Variants in NR3C2 observed in about 807,000 individuals in gnomAD.
NR3C2 encodes mineralocorticoid receptor.
NR3C2 carries 15 observed loss-of-function variants against 86.4 expected under a neutral mutation model. The ratio of observed to expected loss-of-function variants is 0.17; its 90% CI spans 0.12 to 0.27. The LOEUF (loss-of-function observed/expected upper bound fraction) is 0.27. Ranked by LOEUF, NR3C2 falls within the 10% of genes least tolerant of loss-of-function variation. The pLI is 1.00. For missense variants in NR3C2, 960 were observed against 1,195.6 expected, an observed-to-expected ratio of 0.80 and a Z score of 2.91; for synonymous variants, 458 against 450.5, an observed-to-expected ratio of 1.02 and a Z score of -0.21.
intron 2 of NR3C2, among the ~76,000 whole-genome samples, chr4:148,344,298 T>C (rs1744888315): frequency 6.6e-6 from 1 of 152,130 alleles, no homozygotes; most frequent in African/African-American, 2.4e-5. Context: ...TAGAAGTATA[T>C]CTAACATAGT....
chr4:148,113,020 C>T (rs893554327), intron 8 of NR3C2, among the ~76,000 whole-genome samples: 28 of 152,260 alleles, frequency 1.8e-4, no homozygotes, highest in African/African-American at 6.0e-4. Context: ...AGCATGACTG[C>T]GTACAACATC....
At chr4:148,262,184 G>T (rs1740157036) in intron 2 of NR3C2, among the ~76,000 whole-genome samples, 2 of 152,126 alleles carry the variant, frequency 1.3e-5, no homozygotes, top group African/African-American at 4.8e-5. Flanking sequence ...AAATGTAATT[G>T]CTTTTTCACA....
intron 2 of NR3C2, among the ~76,000 whole-genome samples, chr4:148,407,062 T>C (rs1011560398): frequency 2.0e-5 from 3 of 152,242 alleles, no homozygotes; most frequent in African/African-American, 7.2e-5. Flanking sequence ...TCTGTGGGTA[T>C]TATTCATTTA....
intron 2 of NR3C2, among the ~76,000 whole-genome samples, chr4:148,423,565 G>GA (rs61758357): frequency 6.6e-6 from 1 of 152,258 alleles, no homozygotes; most frequent in African/African-American, 2.4e-5. Context: ...TTGGCGGGGG[G>GA]AAAAAAGCTG....
intron 2 of NR3C2, among the ~76,000 whole-genome samples, chr4:148,375,523 A>C (rs971550911): frequency 9.9e-5 from 15 of 152,098 alleles, no homozygotes; most frequent in Admixed American, 2.6e-4. Context: ...TATATCAAAA[A>C]TTTAAAATAT....
At chr4:148,405,869 C>T (rs1187717254) in intron 2 of NR3C2, among the ~76,000 whole-genome samples, 3 of 152,152 alleles carry the variant, frequency 2.0e-5, no homozygotes, top group South Asian at 2.1e-4. Context: ...GTCAACCAGG[C>T]GTAGTGGCTC....
chr4:148,235,898 C>T (rs2149842099), intron 3 of NR3C2, among the ~76,000 whole-genome samples: 1 of 152,288 alleles, frequency 6.6e-6, no homozygotes, highest in Admixed American at 6.5e-5. Flanking sequence ...ACTAAAGCTA[C>T]CTTTCTTCCT....
chr4:148,081,516 G>C lies in NR3C2; in HGVS notation c.2800-17C>G, dbSNP rs61763143. The C allele has an allele frequency of 0.016, 25,384 of 1,613,876 alleles. 250 individuals carry two copies. The highest frequency in any genetic ancestry group is 0.019 in the Non-Finnish European group (22,454 of 1,179,802). ...GCTCACCAGCTGTAACACAGACACA[G>C]GGGGCATGACACGGGGGCCTCCTTT... is the stretch of plus-strand genomic sequence containing the variant. On this transcript the variant is annotated splice_polypyrimidine_tract_variant and intron_variant, in intron 8 of 8. Coordinates refer to ENST00000358102, the MANE Select transcript of NR3C2 (RefSeq NM_000901.5).
intron 8 of NR3C2, among the ~76,000 whole-genome samples, chr4:148,103,223 C>T (rs902115222): frequency 3.9e-5 from 6 of 152,200 alleles, no homozygotes; most frequent in South Asian, 4.1e-4. Context: ...ATACTCCACC[C>T]GTGGTCCTGA....
chr4:148,234,322 G>A (rs1482118327), intron 3 of NR3C2, among the ~76,000 whole-genome samples: 1 of 152,032 alleles, frequency 6.6e-6, no homozygotes, highest in Non-Finnish European at 1.5e-5. Flanking sequence ...CAGAATCACA[G>A]AGTGATTGCC....
chr4:148,158,352 T>C (rs577891055), intron 4 of NR3C2, among the ~76,000 whole-genome samples: 38 of 152,368 alleles, frequency 2.5e-4, no homozygotes, highest in African/African-American at 8.4e-4. Context: ...ATTTGTCTTT[T>C]GGGCAATTAG....
rs1461624762 is a variant in NR3C2 at position 148,136,099 on chromosome 4, AACC to A, written c.2511-15814_2511-15812del. On this transcript the variant is annotated intron_variant, in intron 6 of 8. Coordinates refer to ENST00000358102, the MANE Select transcript of NR3C2 (RefSeq NM_000901.5). ...AAACAAAAAAAAAAAACACCACCAA[AACC>A]AACAAAAAAAACAAACAAAAAAACT... Among the ~76,000 whole-genome samples, 848 of 142,970 alleles carry A rather than the reference AACC, an allele frequency of 5.9e-3. 44 individuals are homozygous for A. The highest frequency in any genetic ancestry group is 0.02 in the African/African-American group (794 of 38,912). 93.8% of individuals were successfully genotyped at this position (142,970 alleles called of 152,430 possible).
intron 3 of NR3C2, among the ~76,000 whole-genome samples, chr4:148,220,698 A>AG (rs1737791965): frequency 6.6e-6 from 1 of 152,106 alleles, no homozygotes; most frequent in Non-Finnish European, 1.5e-5. Context: ...TGGGAAACTG[A>AG]GGGGGGAGGA....
Position 148,273,011 on chromosome 4 carries a change from C to T in NR3C2, c.1758-12894G>A, listed in dbSNP as rs72655265. 1.7e-3 allele frequency among the ~76,000 whole-genome samples: 258 copies of T among 152,292 alleles called. 2 individuals carry two copies. Among genetic ancestry groups the T allele is most frequent in the African/African-American group, 6.0e-3 (248 of 41,544 alleles). ...CTTTGATCAGTCTTGCTTCAAATGT[C>T]TTCGTGCCATGTACCGGGGCCAGAT... On this transcript the variant is annotated intron_variant, in intron 2 of 8. Transcript: ENST00000358102.
At chr4:148,168,022 C>A (rs564952145) in intron 4 of NR3C2, among the ~76,000 whole-genome samples, 2 of 152,322 alleles carry the variant, frequency 1.3e-5, no homozygotes, top group Non-Finnish European at 2.9e-5. Context: ...CCTGCCACTT[C>A]TAACCTTGAG....
Position 148,130,819 on chromosome 4 carries a change from GTTTTTTTTTTTTTT to G in NR3C2, c.2511-10545_2511-10532del, listed in dbSNP as rs376180676. On this transcript the variant is annotated intron_variant, in intron 6 of 8. Coordinates refer to ENST00000358102, the MANE Select transcript of NR3C2 (RefSeq NM_000901.5). ...TTTTTGTTTTGTTTTGTTTTGTTTT[GTTTTTTTTTTTTTT>G]TTTTTTTTGAGACAGAGTCTCGCTC... Among the ~76,000 whole-genome samples the G allele has an allele frequency of 1.3e-3, 144 of 108,912 alleles. 2 individuals are homozygous for G. The highest frequency in any genetic ancestry group is 4.4e-3 in the African/African-American group (118 of 26,982). The allele number at this position is 108,912 out of a possible 152,430, so 71.5% of individuals were successfully genotyped here.
chr4:148,261,474 T>G lies in NR3C2; in HGVS notation c.1758-1357A>C, dbSNP rs117069070. ...TGCTATGGTGCACTATGGTAAGCACTATGGTGCAGGGTAACGGGGGCAGCA... is the reference window on the plus strand; with the variant it reads ...TGCTATGGTGCACTATGGTAAGCACGATGGTGCAGGGTAACGGGGGCAGCA... On this transcript the variant is annotated intron_variant, in intron 2 of 8. Coordinates refer to ENST00000358102, the MANE Select transcript of NR3C2 (RefSeq NM_000901.5). Among the ~76,000 whole-genome samples the G allele has an allele frequency of 3.3e-5, 5 of 152,334 alleles. No individual in the cohort carries two copies. The East Asian group carries it at 9.6e-4, about 29-fold the overall frequency.
At chr4:148,168,245 C>T (rs59926274) in intron 4 of NR3C2, among the ~76,000 whole-genome samples, 25,949 of 152,054 alleles carry the variant, frequency 0.17, 2,243 homozygotes, top group Middle Eastern at 0.3. Context: ...CCCTCTCTTC[C>T]TTATGGAAGG....
intron 3 of NR3C2, among the ~76,000 whole-genome samples, chr4:148,232,895 C>T (rs1032392103): frequency 6.6e-6 from 1 of 152,194 alleles, no homozygotes; most frequent in Admixed American, 6.5e-5. Flanking sequence ...CATGAACCAA[C>T]CTCTGCAAGC....
Sources: allele counts gnomAD v4.1 joint callset (sites outside exome capture counted in the v4.1 genomes callset), GRCh38; gene constraint gnomAD v4.1.1; transcripts MANE v1.5; gene names NCBI Gene and HGNC (gene_info 2026-07-23, HGNC 2026-07-21).